ZNF141: variants seen among roughly 807,000 people sequenced by gnomAD.
The protein encoded by ZNF141 is zinc finger protein 141 (clone pHZ-44).
In ZNF141, 7 loss-of-function variants were observed where a neutral mutation model predicts 11.3. The ratio of observed to expected loss-of-function variants is 0.62; its 90% CI spans 0.35 to 1.16. ZNF141 has a LOEUF of 1.16. Ranked by LOEUF, ZNF141 falls within the 50% of genes most tolerant of loss-of-function variation. ZNF141 has a pLI of 0.02. For missense variants in ZNF141, 535 were observed against 554.0 expected (o/e 0.97, Z 0.34); for synonymous variants, 183 against 190.7 (o/e 0.96, Z 0.33).
intron 3 of ZNF141, among the ~76,000 whole-genome samples, chr4:356,296 A>G (rs1289363178): frequency 6.6e-6 from 1 of 151,574 alleles, no homozygotes. Context: ...ATGACCTAAT[A>G]ACTTCTTAAA....
chr4:363,919 G>C (rs781942275), intron 3 of ZNF141, among the ~76,000 whole-genome samples: 21 of 152,024 alleles, frequency 1.4e-4, no homozygotes, highest in Admixed American at 3.9e-4. Context: ...GAATTTTGCC[G>C]AAGGCCTTTT....
chr4:341,578 G>A (rs1721052784), intron 1 of ZNF141, among the ~76,000 whole-genome samples: 1 of 152,146 alleles, frequency 6.6e-6, no homozygotes, highest in African/African-American at 2.4e-5. Context: ...CACAAATTCT[G>A]GGAATCAAAT....
chr4:368,159 A>G lies in ZNF141; in HGVS notation c.227-4505A>G, dbSNP rs190269775. ...TCATGGCTGACTTATTTTGTGTTAC[A>G]CAGTGCCATCAACATTTATCTTTAT... On this transcript the variant is annotated intron_variant, in intron 3 of 3. Coordinates refer to ENST00000240499, the MANE Select transcript of ZNF141 (RefSeq NM_003441.4). 2.9e-3 allele frequency among the ~76,000 whole-genome samples: 441 copies of G among 152,276 alleles called. 4 individuals are homozygous for G. Among genetic ancestry groups the G allele is most frequent in the African/African-American group, 9.7e-3 (403 of 41,558 alleles).
At chr4:344,459 A>G (rs1224799902) in intron 3 of ZNF141, 29 bp downstream of exon 3, 3 of 1,585,036 alleles carry the variant, frequency 1.9e-6, no homozygotes, top group East Asian at 2.3e-5. Context: ...AGGAGAGGGC[A>G]CAGGCAAGGG....
chr4:352,676 T>C (rs1276221602), intron 3 of ZNF141, among the ~76,000 whole-genome samples: 1 of 152,182 alleles, frequency 6.6e-6, no homozygotes, highest in East Asian at 1.9e-4. Context: ...GAGACCTTAG[T>C]CATAGCTATT....
intron 3 of ZNF141, among the ~76,000 whole-genome samples, chr4:346,726 C>T (rs1721333510): frequency 6.6e-6 from 1 of 152,086 alleles, no homozygotes; most frequent in Non-Finnish European, 1.5e-5. Flanking sequence ...GTTTCTTTGT[C>T]TTTCCGTGTT....
chr4:362,595 T>C (rs187869787), intron 3 of ZNF141, among the ~76,000 whole-genome samples: 4 of 152,260 alleles, frequency 2.6e-5, no homozygotes, highest in Non-Finnish European at 4.4e-5. Context: ...CTTTTACATA[T>C]GGCTAGCCAG....
At position 379,294 on chromosome 4, in the gene ZNF141, C is replaced by T. The variant is rs1057375704; in HGVS notation, c.*5432C>T. On this transcript the variant is annotated 3_prime_UTR_variant, in exon 4 of 4. Transcript: ENST00000240499. ...GGTACTTCAAGCTTAAAAGTAAGAGCTCTAGAGTGTATTGTCTTGTATTAT... is the reference window on the plus strand; with the variant it reads ...GGTACTTCAAGCTTAAAAGTAAGAGTTCTAGAGTGTATTGTCTTGTATTAT... 6.6e-6 allele frequency among the ~76,000 whole-genome samples: 1 copy of T among 152,152 alleles called. No individual in the cohort carries two copies. Among genetic ancestry groups the T allele is most frequent in the Admixed American group, 6.6e-5 (1 of 15,266 alleles).
chr4:352,595 C>T (rs924768052), intron 3 of ZNF141, among the ~76,000 whole-genome samples: 1 of 152,150 alleles, frequency 6.6e-6, no homozygotes, highest in South Asian at 2.1e-4. Flanking sequence ...TAAGAGGGAG[C>T]ATCTTCAAAA....
intron 3 of ZNF141, among the ~76,000 whole-genome samples, chr4:356,230 CAAAA>C (rs111839333): frequency 2.6e-5 from 3 of 116,374 alleles, no homozygotes; most frequent in Non-Finnish European, 3.7e-5. Context: ...GGCTCCGTCT[CAAAA>C]AAAAAAAAAA....
At position 379,331 on chromosome 4, in the gene ZNF141, G is replaced by T. The variant is rs1349302002; in HGVS notation, c.*5469G>T. Among the ~76,000 whole-genome samples, 2 of 152,052 alleles carry T rather than the reference G, an allele frequency of 1.3e-5. No homozygotes were observed. Among genetic ancestry groups the T allele is most frequent in the South Asian group, 4.2e-4 (2 of 4,810 alleles). On this transcript the variant is annotated 3_prime_UTR_variant, in exon 4 of 4. Transcript: ENST00000240499. ...TTGTCTTGTATTATATATTGTTCTG[G>T]GTCTAAGCCATGCTAGTAAATATTA...
chr4:344,872 C>T (rs577661489), intron 3 of ZNF141, among the ~76,000 whole-genome samples: 1 of 152,272 alleles, frequency 6.6e-6, no homozygotes, highest in East Asian at 1.9e-4. Flanking sequence ...GAAAAAGCTG[C>T]ATTTTTTCTC....
rs201274901 is a variant in ZNF141 at position 360,867 on chromosome 4, C to CATATAGAATATT, written c.227-11797_227-11796insATATAGAATATT. Among the ~76,000 whole-genome samples, 1,102 of 152,094 alleles carry CATATAGAATATT rather than the reference C, an allele frequency of 7.2e-3. 11 individuals are homozygous for CATATAGAATATT. Among genetic ancestry groups the CATATAGAATATT allele is most frequent in the Middle Eastern group, 0.071 (21 of 294 alleles). ...TAAAAGTTTTCTATATGGTATTTGCCTGTATAAATATTGACCTACTTTGTT... is the reference window on the plus strand; with the variant it reads ...TAAAAGTTTTCTATATGGTATTTGCCATATAGAATATTTGTATAAATATTGACCTACTTTGTT... On this transcript the variant is annotated intron_variant, in intron 3 of 3. Transcript: ENST00000240499.
chr4:376,615 CA>C lies in ZNF141; in HGVS notation c.*2756del, dbSNP rs1233889987. 3.3e-5 allele frequency among the ~76,000 whole-genome samples: 5 copies of C among 152,150 alleles called. No individual in the cohort carries two copies. The highest frequency in any genetic ancestry group is 1.2e-4 in the African/African-American group (5 of 41,540). ...TGGCATCTTTTCCTGCAAACTTATA[CA>C]AACTTTAGTTCCATTTACATGAAGT... is the stretch of plus-strand genomic sequence containing the variant. On this transcript the variant is annotated 3_prime_UTR_variant, in exon 4 of 4. Transcript: ENST00000240499.
At chr4:369,429 C>CTTG (rs1180301667) in intron 3 of ZNF141, among the ~76,000 whole-genome samples, 1 of 151,784 alleles carries the variant, frequency 6.6e-6, no homozygotes. Context: ...ATCATTAGAC[C>CTTG]TCAAGTGACT....
At chr4:339,209 C>A (rs1277401043) in intron 1 of ZNF141, among the ~76,000 whole-genome samples, 1 of 152,228 alleles carries the variant, frequency 6.6e-6, no homozygotes, top group Non-Finnish European at 1.5e-5. Flanking sequence ...CCAGAAGACT[C>A]CTGGTTCATT....
chr4:361,387 GT>G (rs200611005), intron 3 of ZNF141, among the ~76,000 whole-genome samples: 2,506 of 130,448 alleles, frequency 0.019, 53 homozygotes, highest in African/African-American at 0.054. Context: ...ATATCTTTCT[GT>G]TTTTTTTTTT....
intron 3 of ZNF141, among the ~76,000 whole-genome samples, chr4:367,519 C>CTTTTT: frequency 7.1e-6 from 1 of 141,030 alleles, no homozygotes; most frequent in African/African-American, 2.6e-5. Context: ...ACTTTACAAT[C>CTTTTT]TTTTTTTTTT....
chr4:366,548 C>G (rs1711752939), intron 3 of ZNF141, among the ~76,000 whole-genome samples: 1 of 152,216 alleles, frequency 6.6e-6, no homozygotes, highest in Non-Finnish European at 1.5e-5. Context: ...GTGATCTGCC[C>G]ACCTTGGCCT....
Sources: gnomAD v4.1 joint callset for allele counts (sites outside exome capture counted in the v4.1 genomes callset) on GRCh38, gnomAD v4.1.1 for gene constraint, MANE v1.5 for transcripts, NCBI Gene and HGNC (gene_info 2026-07-23, HGNC 2026-07-21) for gene names.